SHROOM2: variants seen among roughly 807,000 people sequenced by gnomAD.
SHROOM2 encodes the protein shroom family member 2.
In SHROOM2, 33 loss-of-function variants were observed where a neutral mutation model predicts 75.9. That is an observed-to-expected ratio of 0.43 (90% CI 0.33 to 0.58). The LOEUF (loss-of-function observed/expected upper bound fraction) is 0.58. Among genes scored for constraint, SHROOM2 ranks in the 20% least tolerant of loss-of-function variants. SHROOM2 has a pLI of 0.04. For missense variants in SHROOM2, 1,434 were observed against 1,461.2 expected, an observed-to-expected ratio of 0.98 and a Z score of 0.30; for synonymous variants, 655 against 663.6, an observed-to-expected ratio of 0.99 and a Z score of 0.20.
intron 2 of SHROOM2, chrX:9,874,618 AAGT>A (rs766338030): frequency 4.7e-4 from 52 of 111,355 alleles, no homozygotes; most frequent in African/African-American, 1.6e-3. Flanking sequence ...TGGTCAAGTG[AAGT>A]AGTGTGCGTG....
chrX:9,852,556 T>C (rs774459477), intron 1 of SHROOM2, among the ~76,000 whole-genome samples: 1 of 112,715 alleles, frequency 8.9e-6, no homozygotes, highest in South Asian at 3.7e-4. Flanking sequence ...GCTGGGATTT[T>C]ACAGGTGTGA....
At chrX:9,904,461 C>T (rs954411768) in intron 5 of SHROOM2, among the ~76,000 whole-genome samples, 36 of 112,138 alleles carry the variant, frequency 3.2e-4, no homozygotes, top group African/African-American at 1.1e-3. Flanking sequence ...TGGCCTGAGA[C>T]TTGCCTTTCC....
chrX:9,859,810 A>T (rs1324099636), intron 1 of SHROOM2, among the ~76,000 whole-genome samples: 1 of 111,313 alleles, frequency 9.0e-6, no homozygotes, highest in East Asian at 2.8e-4. Context: ...GATTAAATGC[A>T]GTGCCTCCCT....
At chrX:9,902,727 G>A (rs2084371382) in intron 5 of SHROOM2, among the ~76,000 whole-genome samples, 1 of 112,000 alleles carries the variant, frequency 8.9e-6, no homozygotes, top group Non-Finnish European at 1.9e-5. Context: ...TCAATTTCGA[G>A]AGGCCTTGGG....
chrX:9,934,807 A>C (rs779620195), intron 6 of SHROOM2, among the ~76,000 whole-genome samples: 2 of 110,989 alleles, frequency 1.8e-5, no homozygotes, highest in Non-Finnish European at 3.8e-5. Context: ...ATTTTATATT[A>C]TTATCATTAT....
chrX:9,875,873 T>C lies in SHROOM2; in HGVS notation c.317+2070T>C, dbSNP rs778448580. On this transcript the variant is annotated intron_variant, in intron 2 of 9. Transcript: ENST00000380913. ...TGTTTAGAAGCAAGGTAGATGTGAT[T>C]CTTTTTTTGAGCTAGAAGTACATAT... is the stretch of plus-strand genomic sequence containing the variant. Among the ~76,000 whole-genome samples the C allele has an allele frequency of 2.7e-5, 3 of 112,825 alleles. No individual in the cohort carries two copies. In the East Asian group the frequency reaches 8.4e-4, roughly 31 times the overall value.
chrX:9,799,796 C>T (rs1261500903), intron 1 of SHROOM2, among the ~76,000 whole-genome samples: 1 of 110,575 alleles, frequency 9.0e-6, no homozygotes, highest in Non-Finnish European at 1.9e-5. Context: ...AGACAATGCT[C>T]ATATCTATAT....
chrX:9,909,495 C>G (rs1453087066), intron 5 of SHROOM2, among the ~76,000 whole-genome samples: 1 of 112,206 alleles, frequency 8.9e-6, no homozygotes, highest in African/African-American at 3.2e-5. Flanking sequence ...CAAAGGGGAC[C>G]GAGGAGAGGA....
Position 9,932,406 on chromosome X carries a change from G to C in SHROOM2, c.3123G>C (p.Leu1041=). 8.3e-7 allele frequency: 1 copy of C among 1,208,494 alleles called. No individual in the cohort carries two copies. The highest frequency in any genetic ancestry group is 3.0e-5 in the East Asian group (1 of 33,696). The change falls in exon 6 of 10, where the codon CTG becomes CTC. Residue 1041 remains leucine (L), a synonymous_variant. Coordinates refer to ENST00000380913, the MANE Select transcript of SHROOM2 (RefSeq NM_001649.4). ...GPRAQSPGSP[L]HARGQDSWPV... is the part of the protein sequence containing the mutation. ...GAGCCCAGAGCCCTGGCTCACCCCT[G>C]CATGCTCGAGGACAAGACTCGTGGC...
intron 5 of SHROOM2, among the ~76,000 whole-genome samples, chrX:9,902,169 G>A (rs112684596): frequency 0.026 from 2,860 of 110,366 alleles, 91 homozygotes; most frequent in African/African-American, 0.089. Context: ...ATGCAGAGGT[G>A]TATGGATGGA....
In SHROOM2 at chrX:9,944,749, G is replaced by A. The variant is rs1162612332; in HGVS notation, c.4420G>A (p.Ala1474Thr). 2 of 1,211,055 alleles carry A rather than the reference G, an allele frequency of 1.7e-6. No homozygotes were observed. Among genetic ancestry groups the A allele is most frequent in the African/African-American group, 3.5e-5 (2 of 57,489 alleles). The change falls in exon 9 of 10, where the codon GCC becomes ACC. Residue 1474 changes from alanine (A) to threonine (T), a missense_variant. Coordinates refer to ENST00000380913, the MANE Select transcript of SHROOM2 (RefSeq NM_001649.4). ...CACCGTGCTGGGGGCCGAGGTGGAG[G>A]CCATCGTGAAAGGCGTCTGCAAGCC... ...ANTVLGAEVE[A>T]IVKGVCKPSE... is the part of the protein sequence containing the mutation.
intron 1 of SHROOM2, among the ~76,000 whole-genome samples, chrX:9,789,639 T>A (rs2083636472): frequency 9.0e-6 from 1 of 110,585 alleles, no homozygotes; most frequent in African/African-American, 3.3e-5. Flanking sequence ...GTCACTAGAG[T>A]GGCTTGAATT....
intron 5 of SHROOM2, among the ~76,000 whole-genome samples, chrX:9,926,392 C>T (rs1203696495): frequency 1.8e-5 from 2 of 111,742 alleles, no homozygotes; most frequent in African/African-American, 6.5e-5. Flanking sequence ...AATTCCACAG[C>T]TGATCTCGTG....
At chrX:9,808,451 G>A (rs1372461909) in intron 1 of SHROOM2, among the ~76,000 whole-genome samples, 11 of 110,096 alleles carry the variant, frequency 1.0e-4, no homozygotes, top group Admixed American at 7.9e-4. Context: ...GGAGCCTGAG[G>A]CTGGAGGATT....
rs2083772699 is a variant in SHROOM2, at chrX:9,808,729, T to G, written c.165+22019T>G. Among the ~76,000 whole-genome samples the G allele has an allele frequency of 2.7e-5, 3 of 109,808 alleles. No homozygotes were observed. The South Asian group carries it at 1.2e-3, about 44-fold the overall frequency. The stretch of plus-strand genomic sequence containing the variant: ...ATACAAAAATTAGCCAGGCGTGGTA[T>G]CAGGCGCCTATAATCCCAGCTACTC... On this transcript the variant is annotated intron_variant, in intron 1 of 9. Coordinates refer to ENST00000380913, the MANE Select transcript of SHROOM2 (RefSeq NM_001649.4).
intron 5 of SHROOM2, among the ~76,000 whole-genome samples, chrX:9,906,856 CAA>C (rs1280748601): frequency 1.8e-5 from 2 of 112,674 alleles, no homozygotes; most frequent in African/African-American, 6.4e-5. Context: ...CAGAGATTGA[CAA>C]AGTTTGCGGA....
chrX:9,800,763 C>T (rs750214203), intron 1 of SHROOM2, among the ~76,000 whole-genome samples: 1 of 107,993 alleles, frequency 9.3e-6, no homozygotes. Flanking sequence ...TGATTCTACC[C>T]CCAACCCTTG....
chrX:9,842,049 A>T (rs1297933080), intron 1 of SHROOM2, among the ~76,000 whole-genome samples: 11 of 111,481 alleles, frequency 9.9e-5, no homozygotes, highest in African/African-American at 3.3e-4. Context: ...ACAGAGTGAG[A>T]CTTTGTTTCT....
At chrX:9,882,196 T>TTTTG (rs58687419) in intron 2 of SHROOM2, among the ~76,000 whole-genome samples, 1 of 105,134 alleles carries the variant, frequency 9.5e-6, no homozygotes, top group Non-Finnish European at 1.9e-5. Context: ...TTTTTTTTTT[T>TTTTG]GGTATGGCTT....
Sources: allele counts gnomAD v4.1 joint callset (sites outside exome capture counted in the v4.1 genomes callset), GRCh38; gene constraint gnomAD v4.1.1; transcripts MANE v1.5; gene names NCBI Gene and HGNC (gene_info 2026-07-23, HGNC 2026-07-21).